Variants in CASS4 observed in about 807,000 individuals in gnomAD.
CASS4 encodes Cas scaffold protein family member 4, also known as cas scaffolding protein family member 4.
In CASS4, 22 loss-of-function variants were observed where a neutral mutation model predicts 54.2. That is an observed-to-expected ratio of 0.41 (90% confidence interval 0.29 to 0.58). The LOEUF (loss-of-function observed/expected upper bound fraction) is 0.58. Among genes scored for constraint, CASS4 ranks in the 20% least tolerant of loss-of-function variants. The probability of loss-of-function intolerance (pLI) is 0.36; values close to 1 mark genes in which losing one functional copy is unlikely to be tolerated. For synonymous variants in CASS4, 409 were observed against 391.5 expected, an observed-to-expected ratio of 1.04 and a Z score of -0.53; for missense variants, 854 against 986.7, an observed-to-expected ratio of 0.87 and a Z score of 1.80.
intron 1 of CASS4, among the ~76,000 whole-genome samples, chr20:56,421,249 A>G (rs1036997128): frequency 1.1e-4 from 16 of 152,246 alleles, no homozygotes; most frequent in African/African-American, 3.9e-4. Flanking sequence ...CAAACAAACT[A>G]AAACTAGCTC....
At chr20:56,426,057 C>T (rs914807963) in intron 1 of CASS4, among the ~76,000 whole-genome samples, 2 of 152,324 alleles carry the variant, frequency 1.3e-5, no homozygotes, top group East Asian at 3.9e-4. Flanking sequence ...GCTTCATCTC[C>T]CTCTCCCAGG....
At chr20:56,444,807 C>T (rs1225619007) in intron 2 of CASS4, among the ~76,000 whole-genome samples, 1 of 152,188 alleles carries the variant, frequency 6.6e-6, no homozygotes, top group East Asian at 1.9e-4. Flanking sequence ...TGGCCAGGTG[C>T]TCTCAATAAA....
rs751183692 is a variant in CASS4, at chr20:56,458,386, A to G, written c.2000A>G (p.Glu667Gly). 25 of 1,613,994 alleles carry G rather than the reference A, an allele frequency of 1.5e-5. No individual in the cohort carries two copies. Among genetic ancestry groups the G allele is most frequent in the Non-Finnish European group, 2.1e-5 (25 of 1,179,956 alleles). ...CAGCCTTCGAGTCAACAGACTCCTG[A>G]GAGGAAACCCCGCTTATCTGAACAC... is the stretch of plus-strand genomic sequence containing the variant. ...IPQPSSQQTP[E>G]RKPRLSEHCR... Residue 667 changes from glutamate to glycine, a missense_variant, in exon 6 of 6, where the codon GAG (glutamate) becomes GGG (glycine). Coordinates refer to ENST00000679887, the MANE Select transcript of CASS4 (RefSeq NM_020356.4).
intron 1 of CASS4, among the ~76,000 whole-genome samples, chr20:56,424,821 A>C (rs185795940): frequency 7.9e-4 from 120 of 151,744 alleles, no homozygotes; most frequent in African/African-American, 2.8e-3. Context: ...AGGGACAAAG[A>C]GAAGACAGGA....
At chr20:56,417,568 C>G (rs1346342100) in intron 1 of CASS4, among the ~76,000 whole-genome samples, 1 of 152,250 alleles carries the variant, frequency 6.6e-6, no homozygotes, top group Non-Finnish European at 1.5e-5. Flanking sequence ...CCATGAGGGA[C>G]AGACCTGGGC....
In CASS4 at chr20:56,453,045, A is replaced by G. The variant is rs1410087119; in HGVS notation, c.1869A>G (p.Gln623=). ...QPPQRETESH[Q]KSTPSTKQRE... The stretch of plus-strand genomic sequence containing the variant: ...CCCAAAGAGAAACTGAATCACACCA[A>G]AAGAGTACCCCTTCCACTAAGCAAA... The change falls in exon 5 of 6, where the codon CAA becomes CAG. Residue 623 remains glutamine (Q), a synonymous_variant. Coordinates refer to ENST00000679887, the MANE Select transcript of CASS4 (RefSeq NM_020356.4). 4 of 1,614,052 alleles carry G rather than the reference A, an allele frequency of 2.5e-6. No individual in the cohort carries two copies. Among genetic ancestry groups the G allele is most frequent in the Admixed American group, 1.7e-5 (1 of 60,004 alleles).
intron 3 of CASS4, among the ~76,000 whole-genome samples, chr20:56,446,669 C>A (rs1172193434): frequency 6.6e-6 from 1 of 152,102 alleles, no homozygotes; most frequent in East Asian, 1.9e-4. Flanking sequence ...TCTCCCCACC[C>A]ACCTACCATT....
chr20:56,452,162 A>G lies in CASS4; in HGVS notation c.986A>G (p.Tyr329Cys), dbSNP rs1981042726. 2 of 1,614,192 alleles carry G rather than the reference A, an allele frequency of 1.2e-6. No individual in the cohort carries two copies. Among genetic ancestry groups the G allele is most frequent in the African/African-American group, 1.3e-5 (1 of 75,036 alleles). The stretch of plus-strand genomic sequence containing the variant: ...TTTCCTTTGGATGAAGATGTCAGCT[A>G]CAAGGTTCCTTCAAGCTTTCTGATT... Reference protein sequence around the residue: ...GTFPLDEDVSYKVPSSFLIPR... With the variant: ...GTFPLDEDVSCKVPSSFLIPR... Residue 329 changes from tyrosine to cysteine, a missense_variant, in exon 5 of 6, where the codon TAC becomes TGC. Tyr to Cys is a radical substitution (Grantham distance 194). Coordinates refer to ENST00000679887, the MANE Select transcript of CASS4 (RefSeq NM_020356.4).
chr20:56,450,520 C>A, intron 3 of CASS4, 79 bp from the exon 4 acceptor site: 1 of 1,295,600 alleles, frequency 7.7e-7, no homozygotes, highest in Non-Finnish European at 1.1e-6. Context: ...GAAAAAAACA[C>A]TGGAATAGGG....
Position 56,451,956 on chromosome 20 carries a change from C to T in CASS4, c.780C>T (p.Leu260=). The T allele has an allele frequency of 6.2e-7, 1 of 1,614,208 alleles. No homozygotes were observed. The highest frequency in any genetic ancestry group is 8.5e-7 in the Non-Finnish European group (1 of 1,180,036). The change falls in exon 5 of 6, where the codon CTC becomes CTT. Residue 260 remains leucine, a synonymous_variant. Transcript: ENST00000679887. The part of the protein sequence containing the change: ...PGKASVRNTP[L]TSFAEESRPH... Reference sequence around the variant, plus strand: ...AGGCCAGCGTCAGAAACACGCCTCTCACCAGCTTTGCGGAAGAATCAAGGC... The same window carrying T: ...AGGCCAGCGTCAGAAACACGCCTCTTACCAGCTTTGCGGAAGAATCAAGGC...
intron 1 of CASS4, among the ~76,000 whole-genome samples, chr20:56,415,659 T>G (rs1979095732): frequency 6.6e-6 from 1 of 152,218 alleles, no homozygotes; most frequent in African/African-American, 2.4e-5. Context: ...CAGTGGTCCT[T>G]AGCTTTGGGG....
intron 5 of CASS4, chr20:56,453,914 C>T (rs1412906290): frequency 6.6e-6 from 1 of 152,178 alleles, no homozygotes; most frequent in African/African-American, 2.4e-5. Flanking sequence ...GATATAGTGG[C>T]TCACTCCTGT....
intron 3 of CASS4, among the ~76,000 whole-genome samples, chr20:56,448,712 T>G (rs1980845997): frequency 6.6e-6 from 1 of 152,206 alleles, no homozygotes; most frequent in Non-Finnish European, 1.5e-5. Flanking sequence ...TTGCCTTGCT[T>G]TGGAATTTGT....
Position 56,459,497 on chromosome 20 carries a change from C to A in CASS4, c.*750C>A. ...TGTACCTGATTTTATTACCAGTTTT[C>A]ATCTGAATCCACTGGGGAGTGGGGC... On this transcript the variant is annotated 3_prime_UTR_variant, in exon 6 of 6. Coordinates refer to ENST00000679887, the MANE Select transcript of CASS4 (RefSeq NM_020356.4). The A allele has an allele frequency of 3.8e-6, 1 of 265,086 alleles. No individual in the cohort carries two copies. The highest frequency in any genetic ancestry group is 5.2e-5 in the South Asian group (1 of 19,250). 16.4% of individuals were successfully genotyped at this position (265,086 alleles called of 1,614,324 possible). A position where few individuals can be genotyped will look rare whatever the true frequency, so the allele number is the denominator to read the frequency against.
At chr20:56,423,129 C>G (rs904326571) in intron 1 of CASS4, among the ~76,000 whole-genome samples, 49 of 152,236 alleles carry the variant, frequency 3.2e-4, no homozygotes, top group African/African-American at 1.2e-3. Context: ...AGACCCAGAC[C>G]TCACAGCATT....
At chr20:56,436,749 T>C (rs1319864582) in intron 1 of CASS4, among the ~76,000 whole-genome samples, 5 of 151,246 alleles carry the variant, frequency 3.3e-5, no homozygotes, top group Admixed American at 6.6e-5. Flanking sequence ...TAGCCCGGGG[T>C]GGCGGCACGC....
chr20:56,412,326 T>C lies in CASS4; in HGVS notation c.-133T>C. The C allele has an allele frequency of 4.3e-6, 4 of 934,774 alleles. No homozygotes were observed. Among genetic ancestry groups the C allele is most frequent in the Non-Finnish European group, 6.7e-6 (4 of 600,794 alleles). 57.9% of individuals were successfully genotyped at this position (934,774 alleles called of 1,614,324 possible). ...GGAGAGTCTTTTTGATCGTTTCCCA[T>C]GTGTTGTCAGATAGCTCCATAGAAT... On this transcript the variant is annotated 5_prime_UTR_variant, in exon 1 of 6. It removes an upstream start codon present in the reference 5' UTR. Transcript: ENST00000679887. This position sits in a 1 kb window ranked among gnomAD's most constrained non-coding sequence, Gnocchi z 4.2.
Position 56,452,861 on chromosome 20 carries a change from T to A in CASS4, c.1685T>A (p.Phe562Tyr). 6.2e-7 allele frequency: 1 copy of A among 1,614,058 alleles called. No individual in the cohort carries two copies. The highest frequency in any genetic ancestry group is 8.5e-7 in the Non-Finnish European group (1 of 1,180,000). ...VQNSPDDLER[F>Y]VMVARMLPED... ...AACAGCCCAGATGACCTTGAGAGGT[T>A]TGTCATGGTGGCACGGATGCTTCCA... Residue 562 changes from phenylalanine (F) to tyrosine (Y), a missense_variant, in exon 5 of 6, where the codon TTT becomes TAT. Phe to Tyr is a conservative substitution (Grantham distance 22). Transcript: ENST00000679887.
At position 56,437,663 on chromosome 20, in the gene CASS4, T is replaced by C; in HGVS notation, c.459+77T>C. ...AGAGGCCTAACTACCTCTTGAGGCA[T>C]GGGTGTCCTTCAGATCAAACACGCA... On this transcript the variant is annotated intron_variant, in intron 2 of 5. Coordinates refer to ENST00000679887, the MANE Select transcript of CASS4 (RefSeq NM_020356.4). This position sits in a 1 kb window ranked among gnomAD's most constrained non-coding sequence, Gnocchi z 4.7. 1 of 1,316,688 alleles carries C rather than the reference T, an allele frequency of 7.6e-7. No individual in the cohort carries two copies. Among genetic ancestry groups the C allele is most frequent in the South Asian group, 1.5e-5 (1 of 65,604 alleles). 81.6% of individuals were successfully genotyped at this position (1,316,688 alleles called of 1,614,324 possible).
Sources: gnomAD v4.1 joint callset for allele counts (sites outside exome capture counted in the v4.1 genomes callset) on GRCh38, gnomAD v4.1.1 for gene constraint, Gnocchi (gnomAD v3.1) non-coding constraint, MANE v1.5 for transcripts, NCBI Gene and HGNC (gene_info 2026-07-23, HGNC 2026-07-21) for gene names.